IQANK1: variants seen among roughly 807,000 people sequenced by gnomAD.
IQANK1 encodes IQ motif and ankyrin repeat containing 1.
In IQANK1, 30 loss-of-function variants were observed where a neutral mutation model predicts 22.6. The ratio of observed to expected loss-of-function variants is 1.33; its 90% CI spans 0.99 to 1.80. The LOEUF (loss-of-function observed/expected upper bound fraction) is 1.80, where lower values mean the gene tolerates loss of function less well. IQANK1 is among the 40% of genes most tolerant of loss of function. The pLI, the probability that IQANK1 is intolerant of heterozygous loss-of-function variation, is 0.00. For missense variants in IQANK1, 275 were observed against 235.2 expected (o/e 1.17, Z -1.11); for synonymous variants, 122 against 99.6 (o/e 1.23, Z -1.34).
At chr8:143,761,244 G>A (rs1554628862) in intron 3 of IQANK1, among the ~76,000 whole-genome samples, 3 of 152,274 alleles carry the variant, frequency 2.0e-5, no homozygotes, top group East Asian at 1.9e-4. Flanking sequence ...TACCCCCGGG[G>A]CCCCGCGCCA....
chr8:143,755,843 G>C (rs564894708), intron 3 of IQANK1, among the ~76,000 whole-genome samples: 2 of 152,312 alleles, frequency 1.3e-5, no homozygotes, highest in African/African-American at 4.8e-5. Context: ...GCCATGCTGG[G>C]GGCTCAGTGT....
chr8:143,754,708 C>T (rs1819256852), intron 3 of IQANK1, among the ~76,000 whole-genome samples: 1 of 152,136 alleles, frequency 6.6e-6, no homozygotes, highest in African/African-American at 2.4e-5. Context: ...TCACTGCAAG[C>T]TCCGCCTTCT....
rs115797870 is a variant in IQANK1, at chr8:143,786,456, T to G, written c.790-2459T>G. ...TATTTACAAATATAGACAGAATCAT[T>G]GATAAATGTGCAGAAGAATGTGCAT... On this transcript the variant is annotated intron_variant, in intron 7 of 13. Coordinates refer to ENST00000527139, the MANE Select transcript of IQANK1 (RefSeq NM_001381874.1). Among the ~76,000 whole-genome samples the G allele has an allele frequency of 3.4e-3, 513 of 152,344 alleles. 1 individual carries two copies. Among genetic ancestry groups the G allele is most frequent in the African/African-American group, 0.012 (483 of 41,574 alleles).
chr8:143,789,778 G>T lies in IQANK1; in HGVS notation c.1104G>T (p.Glu368Asp). 8.1e-7 allele frequency: 1 copy of T among 1,232,172 alleles called. No individual in the cohort carries two copies. The highest frequency in any genetic ancestry group is 1.5e-5 in the African/African-American group (1 of 64,554). 76.3% of individuals were successfully genotyped at this position (1,232,172 alleles called of 1,614,324 possible). ...TCCTCCAGGCCATCAAGGACACAGA[G>T]GCCCAGGTGGACAGGCTGCGGCAGG... is the stretch of plus-strand genomic sequence containing the variant. ...KLTLQAIKDTEAQVDRLRQEA... is the reference protein window; with the variant it reads ...KLTLQAIKDTDAQVDRLRQEA... The change falls in exon 11 of 14, where the codon GAG becomes GAT. Residue 368 changes from glutamate to aspartate, a missense_variant. Transcript: ENST00000527139.
chr8:143,783,925 T>A (rs7460393), intron 7 of IQANK1, among the ~76,000 whole-genome samples: 36,176 of 152,128 alleles, frequency 0.24, 4,681 homozygotes, highest in East Asian at 0.52. Flanking sequence ...TTCTGTTCCA[T>A]AGGTCTATTG....
chr8:143,775,812 ACACACACACAC>A (rs1454317696), intron 7 of IQANK1, among the ~76,000 whole-genome samples: 1 of 150,526 alleles, frequency 6.6e-6, no homozygotes, highest in Non-Finnish European at 1.5e-5. Context: ...ACACACACAC[ACACACACACAC>A]CATTCCTAAA....
Position 143,789,082 on chromosome 8 carries a change from G to A in IQANK1, c.938+19G>A. The stretch of plus-strand genomic sequence containing the variant: ...GTGGAAGGCAGGAGGGGTGTGGGAG[G>A]TGCTGGCGAGGGGTGCTGGCAAGGG... On this transcript the variant is annotated intron_variant, in intron 8 of 13. Coordinates refer to ENST00000527139, the MANE Select transcript of IQANK1 (RefSeq NM_001381874.1). The A allele has an allele frequency of 2.5e-6, 1 of 401,492 alleles. No homozygotes were observed. Among genetic ancestry groups the A allele is most frequent in the Non-Finnish European group, 4.4e-6 (1 of 227,802 alleles). The allele number at this position is 401,492 out of a possible 1,614,324, so 24.9% of individuals were successfully genotyped here. A position where few individuals can be genotyped will look rare whatever the true frequency, so the allele number is the denominator to read the frequency against.
chr8:143,771,140 G>A lies in IQANK1; in HGVS notation c.176-348G>A, dbSNP rs1331674033. Among the ~76,000 whole-genome samples the A allele has an allele frequency of 6.6e-6, 1 of 152,214 alleles. No homozygotes were observed. Among genetic ancestry groups the A allele is most frequent in the Non-Finnish European group, 1.5e-5 (1 of 68,036 alleles). ...CTCGCTGGGGCCTGGATGCAGGAGG[G>A]GCCTTCGGCTTTCAGGGAAGGGTGT... On this transcript the variant is annotated intron_variant, in intron 3 of 13. Transcript: ENST00000527139. This position sits in a 1 kb window ranked among gnomAD's most constrained non-coding sequence, Gnocchi z 6.0.
rs561070310 is a variant in IQANK1 at position 143,786,820 on chromosome 8, G to C, written c.790-2095G>C. ...ACTTGGAGGGGAGGGAATGAGGGCTGTGAACGCCTGAGGAGCTTCCAGACA... is the reference window on the plus strand; with the variant it reads ...ACTTGGAGGGGAGGGAATGAGGGCTCTGAACGCCTGAGGAGCTTCCAGACA... On this transcript the variant is annotated intron_variant, in intron 7 of 13. Coordinates refer to ENST00000527139, the MANE Select transcript of IQANK1 (RefSeq NM_001381874.1). Among the ~76,000 whole-genome samples the C allele has an allele frequency of 7.2e-5, 11 of 152,324 alleles. 1 individual carries two copies. In the South Asian group the frequency reaches 2.3e-3, roughly 32 times the overall value.
intron 3 of IQANK1, among the ~76,000 whole-genome samples, chr8:143,764,571 C>T (rs899553540): frequency 6.6e-6 from 1 of 152,002 alleles, no homozygotes; most frequent in Non-Finnish European, 1.5e-5. Flanking sequence ...CACTGCACTC[C>T]AGCCTCAGTA....
At chr8:143,786,344 C>T (rs931558374) in intron 7 of IQANK1, among the ~76,000 whole-genome samples, 2 of 152,220 alleles carry the variant, frequency 1.3e-5, no homozygotes, top group African/African-American at 2.4e-5. Context: ...TCGGAGGCTA[C>T]TGTCCTTAGG....
intron 2 of IQANK1, among the ~76,000 whole-genome samples, chr8:143,738,370 C>T (rs1554625973): frequency 1.3e-5 from 2 of 152,186 alleles, no homozygotes; most frequent in African/African-American, 4.8e-5. Flanking sequence ...CCAGGCTTGG[C>T]CCCCTGTTCC....
In IQANK1 at chr8:143,742,980, G is replaced by A. The variant is rs1024690011; in HGVS notation, c.175+3032G>A. On this transcript the variant is annotated intron_variant, in intron 3 of 13. Transcript: ENST00000527139. Reference sequence around the variant, plus strand: ...CTAGATCTATGGACCCCTTCACCGGGTGCTTTATCCCCCACCCCCCAGAAC... The same window carrying A: ...CTAGATCTATGGACCCCTTCACCGGATGCTTTATCCCCCACCCCCCAGAAC... 1.1e-5 allele frequency: 5 copies of A among 456,086 alleles called. No individual in the cohort carries two copies. In the East Asian group the frequency reaches 2.1e-4, roughly 19 times the overall value. 28.3% of individuals were successfully genotyped at this position (456,086 alleles called of 1,614,324 possible). A position where few individuals can be genotyped will look rare whatever the true frequency, so the allele number is the denominator to read the frequency against.
chr8:143,739,764 A>G, intron 2 of IQANK1, 95 bp from the exon 3 acceptor site: 2 of 587,736 alleles, frequency 3.4e-6, no homozygotes, highest in South Asian at 4.0e-5. Flanking sequence ...GTCTGCCAGG[A>G]CGCACGGCCC....
chr8:143,754,159 C>T (rs1239851235), intron 3 of IQANK1, among the ~76,000 whole-genome samples: 1 of 152,178 alleles, frequency 6.6e-6, no homozygotes, highest in African/African-American at 2.4e-5. Flanking sequence ...CTCTTTAAAG[C>T]CCTGGAAGTC....
intron 7 of IQANK1, among the ~76,000 whole-genome samples, chr8:143,780,281 G>T (rs1480251864): frequency 6.6e-6 from 1 of 151,980 alleles, no homozygotes. Flanking sequence ...TATATACAAA[G>T]ACTTTATTAT....
At position 143,789,797 on chromosome 8, in the gene IQANK1, C is replaced by G; in HGVS notation, c.1123C>G (p.Arg375Gly). The change falls in exon 11 of 14, where the codon CGG becomes GGG. Residue 375 changes from arginine to glycine, a missense_variant. Arg to Gly is a moderately radical substitution (Grantham distance 125). Transcript: ENST00000527139. The stretch of plus-strand genomic sequence containing the variant: ...CACAGAGGCCCAGGTGGACAGGCTG[C>G]GGCAGGAGGCCCAGAAGGCCGAGGA... ...KDTEAQVDRL[R>G]QEAQKAEEAL... 1.6e-6 allele frequency: 2 copies of G among 1,232,126 alleles called. No individual in the cohort carries two copies. Among genetic ancestry groups the G allele is most frequent in the Non-Finnish European group, 2.0e-6 (2 of 988,094 alleles). The allele number at this position is 1,232,126 out of a possible 1,614,324, so 76.3% of individuals were successfully genotyped here. A position where few individuals can be genotyped will look rare whatever the true frequency, so the allele number is the denominator to read the frequency against.
At chr8:143,786,523 C>T (rs1347386523) in intron 7 of IQANK1, among the ~76,000 whole-genome samples, 1 of 152,050 alleles carries the variant, frequency 6.6e-6, no homozygotes, top group Non-Finnish European at 1.5e-5. Flanking sequence ...ATGTGTTTAC[C>T]CATTTATCTG....
intron 5 of IQANK1, 40 bp downstream of exon 5, chr8:143,772,005 G>A: frequency 6.9e-6 from 1 of 144,258 alleles, no homozygotes; most frequent in Admixed American, 7.4e-5. Flanking sequence ...GGGGGGTGGG[G>A]TGGGAGTGGG....
Sources: allele counts gnomAD v4.1 joint callset (sites outside exome capture counted in the v4.1 genomes callset), GRCh38; gene constraint gnomAD v4.1.1; non-coding constraint Gnocchi (gnomAD v3.1); transcripts MANE v1.5; gene names NCBI Gene and HGNC (gene_info 2026-07-23, HGNC 2026-07-21).